Variants in EXT1 observed in about 807,000 individuals in gnomAD.
EXT1 encodes exostosin glycosyltransferase 1.
A neutral mutation model predicts 82.5 loss-of-function variants in EXT1; 20 were observed. The ratio of observed to expected loss-of-function variants is 0.24; its 90% CI spans 0.17 to 0.35. The LOEUF is 0.35. Among genes scored for constraint, EXT1 ranks in the 10% least tolerant of loss-of-function variants. EXT1 has a pLI of 1.00. For missense variants in EXT1, 757 were observed against 936.5 expected (o/e 0.81, Z 2.50); for synonymous variants, 348 against 350.8 (o/e 0.99, Z 0.09).
At chr8:118,046,068 T>G (rs1320010327) in intron 1 of EXT1, among the ~76,000 whole-genome samples, 1 of 152,052 alleles carries the variant, frequency 6.6e-6, no homozygotes, top group South Asian at 2.1e-4. Flanking sequence ...AGTGCTGGGA[T>G]TGCAGGCATG....
intron 1 of EXT1, among the ~76,000 whole-genome samples, chr8:117,949,635 A>T (rs1033567072): frequency 6.6e-6 from 1 of 151,778 alleles, no homozygotes; most frequent in African/African-American, 2.4e-5. Flanking sequence ...ATTAGAGCTC[A>T]ACTATTTCAT....
chr8:117,901,012 C>T (rs553243564), intron 1 of EXT1, among the ~76,000 whole-genome samples: 2 of 152,284 alleles, frequency 1.3e-5, no homozygotes, highest in Middle Eastern at 3.4e-3. Flanking sequence ...GCAGAGAGGA[C>T]TCAGTAAAAA....
intron 1 of EXT1, among the ~76,000 whole-genome samples, chr8:117,906,277 C>T (rs1003667187): frequency 3.3e-5 from 5 of 152,150 alleles, no homozygotes; most frequent in African/African-American, 7.2e-5. Context: ...AACACAAGTT[C>T]GGAACCCATC....
chr8:117,865,525 T>G (rs748054909), intron 1 of EXT1, among the ~76,000 whole-genome samples: 7 of 152,210 alleles, frequency 4.6e-5, no homozygotes, highest in Non-Finnish European at 1.0e-4. Context: ...GTCTTATACT[T>G]ACTGAGAGAT....
In EXT1 at chr8:117,804,767, G is replaced by A. The variant is rs745677100; in HGVS notation, c.2010C>T (p.Ile670=). 1.2e-6 allele frequency: 2 copies of A among 1,614,124 alleles called. No individual in the cohort carries two copies. Among genetic ancestry groups the A allele is most frequent in the Admixed American group, 3.3e-5 (2 of 60,018 alleles). ...TATACTGCTTCTTCTGGGTCACTTT[G>A]ATTGGAGGCAATTTTGTCACAGCAG... is the stretch of plus-strand genomic sequence containing the variant. ...LVSAVTKLPP[I]KVTQKKQYKE... Residue 670 remains isoleucine, a synonymous_variant, in exon 10 of 11, where the codon ATC becomes ATT. Transcript: ENST00000378204.
chr8:117,975,572 T>C (rs1002791901), intron 1 of EXT1, among the ~76,000 whole-genome samples: 4 of 152,146 alleles, frequency 2.6e-5, no homozygotes, highest in Non-Finnish European at 2.9e-5. Flanking sequence ...CTGATTCTGA[T>C]GCCCTCATTC....
At chr8:118,080,199 T>C (rs1817287431) in intron 1 of EXT1, among the ~76,000 whole-genome samples, 1 of 152,198 alleles carries the variant, frequency 6.6e-6, no homozygotes, top group Admixed American at 6.5e-5. Context: ...ATTCAGATCA[T>C]CTGTGTTTTC....
chr8:117,905,112 G>T (rs1813518965), intron 1 of EXT1, among the ~76,000 whole-genome samples: 1 of 152,210 alleles, frequency 6.6e-6, no homozygotes, highest in East Asian at 1.9e-4. Flanking sequence ...AAATCAAAAA[G>T]ACCTATAAAT....
At chr8:117,985,211 C>T (rs1211450278) in intron 1 of EXT1, among the ~76,000 whole-genome samples, 1 of 152,310 alleles carries the variant, frequency 6.6e-6, no homozygotes, top group African/African-American at 2.4e-5. Context: ...AAATTTGGAA[C>T]ACTCACCAAG....
chr8:117,848,958 C>A (rs1226255895), intron 1 of EXT1, among the ~76,000 whole-genome samples: 3 of 152,218 alleles, frequency 2.0e-5, no homozygotes, highest in Non-Finnish European at 4.4e-5. Context: ...TACACCTTGG[C>A]CGACTGGGTC....
intron 1 of EXT1, among the ~76,000 whole-genome samples, chr8:117,857,335 T>C (rs2129849271): frequency 6.6e-6 from 1 of 152,238 alleles, no homozygotes; most frequent in South Asian, 2.1e-4. Context: ...GTGGGAGGAA[T>C]GCTTGAGGCC....
Position 117,797,810 on chromosome 8 carries a change from G to A in EXT1, c.*1902C>T, listed in dbSNP as rs1823106600. 6.6e-6 allele frequency: 1 copy of A among 152,230 alleles called. No homozygotes were observed. The highest frequency in any genetic ancestry group is 2.4e-5 in the African/African-American group (1 of 41,466). 9.4% of individuals were successfully genotyped at this position (152,230 alleles called of 1,614,324 possible). On this transcript the variant is annotated 3_prime_UTR_variant, in exon 11 of 11. Coordinates refer to ENST00000378204, the MANE Select transcript of EXT1 (RefSeq NM_000127.3). ...TAATCACATCTACTTAGGGGAAAAT[G>A]TCACATGTTTGAGAATGGACTATGG... is the stretch of plus-strand genomic sequence containing the variant.
At chr8:117,802,411 T>C (rs527879844) in intron 10 of EXT1, among the ~76,000 whole-genome samples, 4 of 152,354 alleles carry the variant, frequency 2.6e-5, no homozygotes, top group Admixed American at 2.6e-4. Context: ...CATAGATGAC[T>C]ATTGTCCCAT....
At chr8:117,823,789 C>T (rs1811963838) in intron 4 of EXT1, among the ~76,000 whole-genome samples, 1 of 152,112 alleles carries the variant, frequency 6.6e-6, no homozygotes, top group Admixed American at 6.6e-5. Context: ...TATCTTAGTT[C>T]AATGATTTCT....
intron 1 of EXT1, among the ~76,000 whole-genome samples, chr8:117,902,688 C>G (rs1019561876): frequency 2.0e-5 from 3 of 152,202 alleles, no homozygotes; most frequent in Non-Finnish European, 4.4e-5. Context: ...TCCAGTAACC[C>G]TGTGCAAAGA....
intron 1 of EXT1, among the ~76,000 whole-genome samples, chr8:117,925,716 A>G (rs1813940681): frequency 6.9e-6 from 1 of 144,014 alleles, no homozygotes; most frequent in African/African-American, 2.9e-5. Flanking sequence ...AAAAAAAAAA[A>G]AAAAAAAGAA....
intron 1 of EXT1, among the ~76,000 whole-genome samples, chr8:118,101,170 C>T (rs867172010): frequency 6.6e-6 from 1 of 152,178 alleles, no homozygotes; most frequent in Non-Finnish European, 1.5e-5. Context: ...ACCTTCTTAA[C>T]GACCCTATGA....
At chr8:117,870,289 C>T (rs753235460) in intron 1 of EXT1, among the ~76,000 whole-genome samples, 33 of 152,198 alleles carry the variant, frequency 2.2e-4, no homozygotes, top group Non-Finnish European at 4.4e-4. Context: ...ACATCTCCCA[C>T]CAATAACTTT....
chr8:118,005,563 G>A (rs1815756909), intron 1 of EXT1, among the ~76,000 whole-genome samples: 1 of 152,132 alleles, frequency 6.6e-6, no homozygotes, highest in Non-Finnish European at 1.5e-5. Context: ...TTTAACAGAG[G>A]AGAAAACTGA....
Sources: gnomAD v4.1 joint callset for allele counts (sites outside exome capture counted in the v4.1 genomes callset) on GRCh38, gnomAD v4.1.1 for gene constraint, MANE v1.5 for transcripts, NCBI Gene and HGNC (gene_info 2026-07-23, HGNC 2026-07-21) for gene names.